LMNTD1: variants seen among roughly 807,000 people sequenced by gnomAD.
LMNTD1 encodes the protein lamin tail domain-containing protein 1.
LMNTD1 carries 35 observed loss-of-function variants against 50.9 expected under a neutral mutation model. That is an observed-to-expected ratio of 0.69 (90% confidence interval 0.53 to 0.91). The LOEUF (loss-of-function observed/expected upper bound fraction) is 0.91, where lower values mean the gene tolerates loss of function less well. Among genes scored for constraint, LMNTD1 ranks in the 40% least tolerant of loss-of-function variants. The pLI, the probability that LMNTD1 is intolerant of heterozygous loss-of-function variation, is 0.00. For missense variants in LMNTD1, 470 were observed against 475.5 expected (o/e 0.99, Z 0.11); for synonymous variants, 153 against 161.9 (o/e 0.94, Z 0.42).
intron 1 of LMNTD1, among the ~76,000 whole-genome samples, chr12:25,632,358 G>A (rs1946737575): frequency 6.6e-6 from 1 of 152,208 alleles, no homozygotes; most frequent in Admixed American, 6.5e-5. Context: ...GTTATCCAGA[G>A]TTAAGACGAA....
chr12:25,564,725 G>A (rs1361020506), intron 1 of LMNTD1, among the ~76,000 whole-genome samples: 1 of 152,158 alleles, frequency 6.6e-6, no homozygotes, highest in Admixed American at 6.5e-5. Flanking sequence ...GAAATGTTCT[G>A]TAAATATTTA....
intron 1 of LMNTD1, among the ~76,000 whole-genome samples, chr12:25,632,038 T>G (rs1458288260): frequency 6.6e-6 from 1 of 151,966 alleles, no homozygotes; most frequent in African/African-American, 2.4e-5. Context: ...ATTGAACAAG[T>G]AAAAGAAAGA....
intron 4 of LMNTD1, among the ~76,000 whole-genome samples, chr12:25,545,044 A>G (rs894919335): frequency 5.3e-5 from 8 of 151,682 alleles, no homozygotes; most frequent in Admixed American, 2.0e-4. Flanking sequence ...TTTTCCATGT[A>G]CTTAATTTTA....
chr12:25,587,508 A>AACTCACTCACTCTTGTGAGG (rs1031597117), intron 1 of LMNTD1, among the ~76,000 whole-genome samples: 4 of 152,164 alleles, frequency 2.6e-5, no homozygotes, highest in African/African-American at 9.7e-5. Context: ...ATCTTGTGAG[A>AACTCACTCACTCTTGTGAGG]ACTCACTCAC....
intron 3 of LMNTD1, 139 bp downstream of exon 3, chr12:25,549,186 AC>A (rs1943606129): frequency 1.8e-6 from 1 of 561,362 alleles, no homozygotes; most frequent in Admixed American, 3.3e-5. Flanking sequence ...TAGTTAAGTT[AC>A]TTTTCATAAG....
At chr12:25,538,570 G>A (rs1942793885) in intron 4 of LMNTD1, among the ~76,000 whole-genome samples, 1 of 140,724 alleles carries the variant, frequency 7.1e-6, no homozygotes, top group African/African-American at 2.6e-5. Flanking sequence ...GCTCCTGAAG[G>A]AAGCGCTAAA....
At chr12:25,542,331 A>T (rs1217083184) in intron 4 of LMNTD1, among the ~76,000 whole-genome samples, 1 of 151,132 alleles carries the variant, frequency 6.6e-6, no homozygotes, top group Non-Finnish European at 1.5e-5. Context: ...CAAATGTCCA[A>T]CAATGATAGA....
chr12:25,590,957 C>T (rs764169730), intron 1 of LMNTD1, among the ~76,000 whole-genome samples: 1 of 152,104 alleles, frequency 6.6e-6, no homozygotes, highest in Non-Finnish European at 1.5e-5. Context: ...TTGAGTAAGA[C>T]TCTAACACTG....
chr12:25,490,315 A>AT (rs1491568880), intron 9 of LMNTD1, among the ~76,000 whole-genome samples: 1 of 142,532 alleles, frequency 7.0e-6, no homozygotes, highest in African/African-American at 2.5e-5. Flanking sequence ...ATTGACCATA[A>AT]TATTTTTTTT....
At chr12:25,576,851 C>G (rs1310098991) in intron 1 of LMNTD1, among the ~76,000 whole-genome samples, 1 of 152,040 alleles carries the variant, frequency 6.6e-6, no homozygotes, top group East Asian at 1.9e-4. Context: ...TTTAATCCAT[C>G]TTGAATTGAT....
intron 9 of LMNTD1, among the ~76,000 whole-genome samples, chr12:25,487,692 G>A (rs1305845437): frequency 1.1e-4 from 14 of 129,464 alleles, no homozygotes; most frequent in Non-Finnish European, 1.4e-4. Context: ...GTTAGCTGGT[G>A]ATTTTGCTTG....
chr12:25,529,201 C>G (rs560901531), intron 4 of LMNTD1, among the ~76,000 whole-genome samples: 1 of 152,118 alleles, frequency 6.6e-6, no homozygotes, highest in Non-Finnish European at 1.5e-5. Context: ...TTCACCCAGC[C>G]CCTTCACGCA....
intron 1 of LMNTD1, among the ~76,000 whole-genome samples, chr12:25,613,343 A>G (rs1254698736): frequency 6.6e-6 from 1 of 152,212 alleles, no homozygotes; most frequent in East Asian, 1.9e-4. Flanking sequence ...GAACCAAAAG[A>G]CCTGTGTGTG....
intron 1 of LMNTD1, among the ~76,000 whole-genome samples, chr12:25,636,517 C>T (rs1480852308): frequency 1.3e-5 from 2 of 152,276 alleles, no homozygotes; most frequent in Middle Eastern, 3.4e-3. Context: ...TCAGGGAACA[C>T]TTCTACACTG....
chr12:25,581,714 A>G (rs1434508641), intron 1 of LMNTD1, among the ~76,000 whole-genome samples: 4 of 152,218 alleles, frequency 2.6e-5, no homozygotes, highest in Non-Finnish European at 5.9e-5. Context: ...GGTTGTGCAA[A>G]CATCACAAAG....
intron 9 of LMNTD1, among the ~76,000 whole-genome samples, chr12:25,502,230 C>G (rs964687753): frequency 6.6e-6 from 1 of 152,082 alleles, no homozygotes; most frequent in African/African-American, 2.4e-5. Flanking sequence ...AAAAAATTCC[C>G]CCCCTTTTTT....
Position 25,526,165 on chromosome 12 carries a change from C to T in LMNTD1, c.732G>A (p.Trp244Ter), listed in dbSNP as rs759320315. The change falls in exon 6 of 10, where the codon TGG becomes TGA. Residue 244 changes from tryptophan (W) to a stop codon, truncating the protein, a stop_gained. Coordinates refer to ENST00000458174, the MANE Select transcript of LMNTD1 (RefSeq NM_001145728.2). LOFTEE classifies it high-confidence loss of function. ...TTGCTCTAAACTTGTCTTGTTCCTTCCAAAGAAAATCTGATGGAGGTTGAT... is the reference window on the plus strand; with the variant it reads ...TTGCTCTAAACTTGTCTTGTTCCTTTCAAAGAAAATCTGATGGAGGTTGAT... ...AKHQPPSDFL[W>*]KEQDKFRASP... The T allele has an allele frequency of 5.0e-6, 8 of 1,611,004 alleles. No individual in the cohort carries two copies. Among genetic ancestry groups the T allele is most frequent in the Non-Finnish European group, 6.8e-6 (8 of 1,178,314 alleles).
At chr12:25,616,332 T>C (rs1219410051) in intron 1 of LMNTD1, among the ~76,000 whole-genome samples, 3 of 152,158 alleles carry the variant, frequency 2.0e-5, no homozygotes, top group Non-Finnish European at 4.4e-5. Flanking sequence ...TGCAATAACT[T>C]ATTTTACAAC....
chr12:25,513,118 G>C (rs2135994593), intron 8 of LMNTD1, among the ~76,000 whole-genome samples: 1 of 152,240 alleles, frequency 6.6e-6, no homozygotes. Flanking sequence ...CCAAATTTGT[G>C]CTAATTCCCA....
Sources: allele counts gnomAD v4.1 joint callset (sites outside exome capture counted in the v4.1 genomes callset), GRCh38; gene constraint gnomAD v4.1.1; transcripts MANE v1.5; gene names NCBI Gene and HGNC (gene_info 2026-07-23, HGNC 2026-07-21).